Variants in ANK3 observed in about 807,000 individuals in gnomAD.
ANK3 encodes ankyrin-3.
ANK3 carries 57 observed loss-of-function variants against 370.9 expected under a neutral mutation model. The observed-to-expected ratio is 0.15, with a 90% CI of 0.12 to 0.19. The LOEUF is 0.19. Among genes scored for constraint, ANK3 ranks in the 10% least tolerant of loss-of-function variants. The probability of loss-of-function intolerance (pLI) is 1.00; values close to 1 mark genes in which losing one functional copy is unlikely to be tolerated. For missense variants in ANK3, 4,439 were observed against 5,302.1 expected (o/e 0.84, Z 5.06); for synonymous variants, 1,929 against 1,946.3 (o/e 0.99, Z 0.23).
chr10:60,699,788 C>T (rs2079521906), intron 1 of ANK3, among the ~76,000 whole-genome samples: 1 of 152,038 alleles, frequency 6.6e-6, no homozygotes, highest in African/African-American at 2.4e-5. Context: ...TAAATTGTTA[C>T]TTTATTTTAA....
intron 2 of ANK3, among the ~76,000 whole-genome samples, chr10:60,599,964 A>G (rs2078038161): frequency 6.6e-6 from 1 of 152,130 alleles, no homozygotes; most frequent in Non-Finnish European, 1.5e-5. Flanking sequence ...TTATTAAATA[A>G]TTAGAATGTA....
chr10:60,080,628 A>G lies in ANK3; in HGVS notation c.4351-10T>C, dbSNP rs112147244. On this transcript the variant is annotated splice_polypyrimidine_tract_variant and intron_variant, in intron 35 of 43. Transcript: ENST00000280772. ...TATCTGTTTTCTCAATCTGAAAAGGAAAAAAAAAAAGACAACTCTATTTCC... is the reference window on the plus strand; with the variant it reads ...TATCTGTTTTCTCAATCTGAAAAGGGAAAAAAAAAAGACAACTCTATTTCC... 1.2e-5 allele frequency: 11 copies of G among 942,268 alleles called. No homozygotes were observed. The highest frequency in any genetic ancestry group is 1.4e-5 in the Non-Finnish European group (10 of 700,992). 58.4% of individuals were successfully genotyped at this position (942,268 alleles called of 1,614,324 possible).
In ANK3 at chr10:60,088,372, T is replaced by C. The variant is rs573256112; in HGVS notation, c.3329-14A>G. On this transcript the variant is annotated splice_polypyrimidine_tract_variant and intron_variant, in intron 28 of 43. Coordinates refer to ENST00000280772, the MANE Select transcript of ANK3 (RefSeq NM_020987.5). ...GGCTATCAAGTTCTGAAAAGACAAA[T>C]GAAAGAAAATGCCATGAGAATAAGC... 1 of 1,605,976 alleles carries C rather than the reference T, an allele frequency of 6.2e-7. No individual in the cohort carries two copies. Among genetic ancestry groups the C allele is most frequent in the Non-Finnish European group, 8.5e-7 (1 of 1,173,086 alleles).
At chr10:60,701,428 TAC>T (rs2133418229) in intron 1 of ANK3, among the ~76,000 whole-genome samples, 1 of 151,362 alleles carries the variant, frequency 6.6e-6, no homozygotes, top group African/African-American at 2.4e-5. Context: ...CATGAAAAGA[TAC>T]ACAGTGGGGA....
intron 2 of ANK3, among the ~76,000 whole-genome samples, chr10:60,464,838 G>A (rs954294388): frequency 6.6e-6 from 1 of 152,120 alleles, no homozygotes. Flanking sequence ...ATCAAAAAAT[G>A]CTCATAAAAA....
intron 2 of ANK3, among the ~76,000 whole-genome samples, chr10:60,559,785 T>C (rs2077292519): frequency 6.6e-6 from 1 of 152,184 alleles, no homozygotes; most frequent in Admixed American, 6.5e-5. Context: ...AAAAGGCATA[T>C]ATTGACACAT....
chr10:60,518,829 C>G (rs2133177545), intron 2 of ANK3, among the ~76,000 whole-genome samples: 1 of 152,248 alleles, frequency 6.6e-6, no homozygotes, highest in East Asian at 1.9e-4. Flanking sequence ...AACCAATATG[C>G]AATTCTGGCT....
chr10:60,723,496 C>T (rs1236778591), intron 1 of ANK3, among the ~76,000 whole-genome samples: 1 of 152,172 alleles, frequency 6.6e-6, no homozygotes, highest in Non-Finnish European at 1.5e-5. Flanking sequence ...CTGTATGCCA[C>T]TCATAAACAG....
chr10:60,172,295 A>C lies in ANK3; in HGVS notation c.2478+13T>G. 1.2e-6 allele frequency: 2 copies of C among 1,608,358 alleles called. No homozygotes were observed. The highest frequency in any genetic ancestry group is 1.7e-6 in the Non-Finnish European group (2 of 1,174,998). On this transcript the variant is annotated intron_variant, in intron 21 of 43. Transcript: ENST00000280772. ...GGCTCCTAGGGTAACAAGGTTCTGC[A>C]TTCCTTACTTACAGTTGTGGTCATG...
At chr10:60,163,437 G>T (rs1425874980) in intron 23 of ANK3, among the ~76,000 whole-genome samples, 1 of 152,124 alleles carries the variant, frequency 6.6e-6, no homozygotes, top group Non-Finnish European at 1.5e-5. Context: ...GCTTCCACCT[G>T]TGTTCAACTT....
At chr10:60,364,475 T>C (rs961956221) in intron 1 of ANK3, among the ~76,000 whole-genome samples, 13 of 151,660 alleles carry the variant, frequency 8.6e-5, no homozygotes, top group African/African-American at 2.4e-5. Context: ...TTCTCACTCA[T>C]AAGTGGGAGT....
chr10:60,543,350 T>C (rs1183311686), intron 2 of ANK3, among the ~76,000 whole-genome samples: 1 of 152,046 alleles, frequency 6.6e-6, no homozygotes. Flanking sequence ...AAGATATACA[T>C]ATAAGATATT....
intron 2 of ANK3, among the ~76,000 whole-genome samples, chr10:60,399,164 CT>C (rs1050661691): frequency 6.6e-6 from 1 of 151,906 alleles, no homozygotes; most frequent in African/African-American, 2.4e-5. Context: ...TTACAGGCTT[CT>C]TTTTGGCATT....
rs771717966 is a variant in ANK3 at position 60,074,529 on chromosome 10, G to C, written c.6352C>G (p.His2118Asp). 6.2e-7 allele frequency: 1 copy of C among 1,613,686 alleles called. No homozygotes were observed. Residue 2118 changes from histidine (H) to aspartate (D), a missense_variant, in exon 37 of 44, where the codon CAC becomes GAC. Physicochemically the swap from His to Asp is moderately conservative, Grantham distance 81. This residue lies in a region of ANK3 where 679 missense variants were observed against 791.0 expected (regional missense o/e 0.86). Transcript: ENST00000280772. ...ILESPDDFSQ[H>D]DQDKSPLSDS... Reference sequence around the variant, plus strand: ...GACAAGGGACTTTTATCTTGGTCGTGTTGAGAAAAGTCATCAGGAGACTCT... The same window carrying C: ...GACAAGGGACTTTTATCTTGGTCGTCTTGAGAAAAGTCATCAGGAGACTCT...
chr10:60,688,714 C>T (rs1435337629), intron 1 of ANK3, among the ~76,000 whole-genome samples: 13 of 152,070 alleles, frequency 8.5e-5, no homozygotes, highest in African/African-American at 2.4e-4. Context: ...TTTAGGAGGC[C>T]GAGGCGGGCG....
chr10:60,151,920 T>A (rs2077940087), intron 23 of ANK3, among the ~76,000 whole-genome samples: 1 of 152,226 alleles, frequency 6.6e-6, no homozygotes, highest in Non-Finnish European at 1.5e-5. Context: ...TGACAATGGC[T>A]CCAATTTAAT....
chr10:60,075,822 CAACTGCTGATTT>C lies in ANK3; in HGVS notation c.5047_5058del (p.Lys1683_Val1686del), dbSNP rs779082218. ...GTAATTTTGGCTGATGAAATGACATCAACTGCTGATTTAACTGGAGACACCACTGACTTTAAA... is the reference window on the plus strand; with the variant it reads ...GTAATTTTGGCTGATGAAATGACATCAACTGGAGACACCACTGACTTTAAA... On this transcript the variant is annotated inframe_deletion, in exon 37 of 44. Coordinates refer to ENST00000280772, the MANE Select transcript of ANK3 (RefSeq NM_020987.5). 60 of 1,614,016 alleles carry C rather than the reference CAACTGCTGATTT, an allele frequency of 3.7e-5. No individual in the cohort carries two copies. Among genetic ancestry groups the C allele is most frequent in the Non-Finnish European group, 5.0e-5 (59 of 1,180,000 alleles).
chr10:60,087,163 T>C (rs1001932486), intron 29 of ANK3, among the ~76,000 whole-genome samples: 2 of 152,168 alleles, frequency 1.3e-5, no homozygotes, highest in African/African-American at 2.4e-5. Flanking sequence ...TCTCACGGCA[T>C]AGAAGTTTCT....
chr10:60,651,342 A>G (rs1377406456), intron 1 of ANK3, among the ~76,000 whole-genome samples: 1 of 152,198 alleles, frequency 6.6e-6, no homozygotes, highest in East Asian at 1.9e-4. Flanking sequence ...TAGGGAGCCC[A>G]CTACACTCTC....
Sources: allele counts gnomAD v4.1 joint callset (sites outside exome capture counted in the v4.1 genomes callset), GRCh38; gene constraint gnomAD v4.1.1; regional missense constraint gnomAD v4.1.1; transcripts MANE v1.5; gene names NCBI Gene and HGNC (gene_info 2026-07-23, HGNC 2026-07-21).